UTRN: variants seen among roughly 807,000 people sequenced by gnomAD.
UTRN encodes utrophin, also known as dystrophin-related protein 1.
Under a neutral mutation model 463.9 loss-of-function variants are expected in UTRN, and 283 were observed. That is an observed-to-expected ratio of 0.61 (90% confidence interval 0.55 to 0.67). The LOEUF (loss-of-function observed/expected upper bound fraction) is 0.67. Ranked by LOEUF, UTRN falls within the 30% of genes least tolerant of loss-of-function variation. The pLI is 0.00. For missense variants in UTRN, 3,922 were observed against 4,084.3 expected (o/e 0.96, Z 1.08); for synonymous variants, 1,442 against 1,431.5 (o/e 1.01, Z -0.17).
At chr6:144,832,902 C>G (rs1245788647) in intron 69 of UTRN, among the ~76,000 whole-genome samples, 1 of 152,136 alleles carries the variant, frequency 6.6e-6, no homozygotes, top group Non-Finnish European at 1.5e-5. Context: ...TCACTGCAAC[C>G]TTGGCTTCCC....
At chr6:144,623,749 C>T (rs369482886) in intron 51 of UTRN, among the ~76,000 whole-genome samples, 7 of 152,082 alleles carry the variant, frequency 4.6e-5, no homozygotes, top group Admixed American at 1.3e-4. Flanking sequence ...AAATTATTCA[C>T]GGGATTTTTT....
At chr6:144,682,719 C>G (rs897288502) in intron 52 of UTRN, among the ~76,000 whole-genome samples, 1 of 152,084 alleles carries the variant, frequency 6.6e-6, no homozygotes, top group Non-Finnish European at 1.5e-5. Flanking sequence ...TAAATGATCT[C>G]TTCTTTATTT....
intron 58 of UTRN, among the ~76,000 whole-genome samples, chr6:144,770,966 A>G (rs1299546976): frequency 1.3e-5 from 2 of 152,146 alleles, no homozygotes; most frequent in African/African-American, 2.4e-5. Flanking sequence ...TTGTGGGATG[A>G]TGTTATTCAG....
In UTRN at chr6:144,823,801, T is replaced by G. The variant is rs188041249; in HGVS notation, c.9494+2783T>G. On this transcript the variant is annotated intron_variant, in intron 66 of 74. Transcript: ENST00000367545. ...ATTCAAGGGTTGTGAGAATTATTAT[T>G]GGCTAAAGAGATAGGTTGGTTTCCC... Among the ~76,000 whole-genome samples the G allele has an allele frequency of 6.4e-4, 98 of 152,312 alleles. 2 individuals carry two copies. Among genetic ancestry groups the G allele is most frequent in the Admixed American group, 3.3e-3 (50 of 15,298 alleles).
chr6:144,618,853 AAT>A (rs1201157581), intron 51 of UTRN, among the ~76,000 whole-genome samples: 1 of 152,126 alleles, frequency 6.6e-6, no homozygotes, highest in East Asian at 1.9e-4. Context: ...GAACACACCA[AAT>A]ATGTTTTATT....
intron 52 of UTRN, among the ~76,000 whole-genome samples, chr6:144,679,351 A>G (rs1781978536): frequency 6.6e-6 from 1 of 152,130 alleles, no homozygotes; most frequent in Non-Finnish European, 1.5e-5. Flanking sequence ...AATTTAGTGA[A>G]TACTGGCTGA....
chr6:144,513,840 A>G, intron 35 of UTRN, 69 bp from the exon 36 acceptor site: 2 of 1,537,478 alleles, frequency 1.3e-6, no homozygotes, highest in Non-Finnish European at 1.8e-6. Flanking sequence ...GGTCTTTTAA[A>G]TCTCTTTTAA....
At chr6:144,718,212 G>A (rs922733253) in intron 53 of UTRN, among the ~76,000 whole-genome samples, 4 of 152,164 alleles carry the variant, frequency 2.6e-5, no homozygotes, top group African/African-American at 9.6e-5. Context: ...GCTCACACCT[G>A]TAATCCCAGT....
At chr6:144,644,786 G>C (rs1440717727) in intron 51 of UTRN, among the ~76,000 whole-genome samples, 1 of 152,186 alleles carries the variant, frequency 6.6e-6, no homozygotes, top group Admixed American at 6.5e-5. Flanking sequence ...TTTATGCCAA[G>C]CAGTAATAAA....
intron 65 of UTRN, among the ~76,000 whole-genome samples, chr6:144,816,477 C>CT (rs143921683): frequency 0.32 from 47,880 of 151,750 alleles, 8,170 homozygotes; most frequent in Admixed American, 0.47. Flanking sequence ...TTAAGCCATA[C>CT]TTTTTTGTGT....
intron 51 of UTRN, among the ~76,000 whole-genome samples, chr6:144,590,016 C>T (rs960885366): frequency 1.1e-4 from 17 of 151,768 alleles, no homozygotes; most frequent in African/African-American, 3.9e-4. Flanking sequence ...GCCACCACAC[C>T]GGGCTAATTT....
At chr6:144,603,805 G>C (rs1804526745) in intron 51 of UTRN, among the ~76,000 whole-genome samples, 1 of 152,006 alleles carries the variant, frequency 6.6e-6, no homozygotes, top group Non-Finnish European at 1.5e-5. Flanking sequence ...ACAAGAATGG[G>C]CCCAGCATTA....
chr6:144,748,588 C>T (rs1455537895), intron 55 of UTRN, 74 bp downstream of exon 55: 29 of 1,531,118 alleles, frequency 1.9e-5, no homozygotes, highest in African/African-American at 7.0e-5. Flanking sequence ...AAGAGAGCCA[C>T]GTATATAAAT....
chr6:144,652,407 T>G (rs1425325370), intron 51 of UTRN, among the ~76,000 whole-genome samples: 1 of 152,180 alleles, frequency 6.6e-6, no homozygotes, highest in Non-Finnish European at 1.5e-5. Context: ...TTCTGCAACT[T>G]AGATCCATGT....
chr6:144,840,153 A>AC (rs1781441266), intron 72 of UTRN, among the ~76,000 whole-genome samples: 1 of 152,060 alleles, frequency 6.6e-6, no homozygotes, highest in African/African-American at 2.4e-5. Flanking sequence ...GCACCAATGC[A>AC]CTCCAGCCTG....
chr6:144,500,660 A>C (rs1055520903), intron 34 of UTRN, among the ~76,000 whole-genome samples: 1 of 152,220 alleles, frequency 6.6e-6, no homozygotes, highest in Non-Finnish European at 1.5e-5. Context: ...TAACATTTTA[A>C]AACCAATAAG....
intron 2 of UTRN, 151 bp from the exon 3 acceptor site, chr6:144,402,972 C>T (rs535394050): frequency 1.0e-5 from 7 of 693,944 alleles, no homozygotes; most frequent in South Asian, 9.7e-5. Flanking sequence ...GCAGTCATCA[C>T]ATTCTGCATT....
At chr6:144,766,566 C>T (rs1793367827) in intron 58 of UTRN, among the ~76,000 whole-genome samples, 1 of 152,020 alleles carries the variant, frequency 6.6e-6, no homozygotes, top group African/African-American at 2.4e-5. Context: ...TATTTTTCCC[C>T]ATCCTGAGGC....
chr6:144,410,772 T>C (rs1783820197), intron 3 of UTRN, among the ~76,000 whole-genome samples: 1 of 151,166 alleles, frequency 6.6e-6, no homozygotes. Context: ...TTTTGATGGC[T>C]GAATAGTATT....
Sources: allele counts gnomAD v4.1 joint callset (sites outside exome capture counted in the v4.1 genomes callset), GRCh38; gene constraint gnomAD v4.1.1; transcripts MANE v1.5; gene names NCBI Gene and HGNC (gene_info 2026-07-23, HGNC 2026-07-21).